NPFFR2: variants seen among roughly 807,000 people sequenced by gnomAD.
NPFFR2 encodes neuropeptide FF receptor 2.
NPFFR2 carries 15 observed loss-of-function variants against 13.1 expected under a neutral mutation model. That is an observed-to-expected ratio of 1.15 (90% CI 0.77 to 1.76). The LOEUF is 1.76. NPFFR2 is among the 40% of genes most tolerant of loss of function. The probability of loss-of-function intolerance (pLI) is 0.00; values close to 1 mark genes in which losing one functional copy is unlikely to be tolerated. For synonymous variants in NPFFR2, 190 were observed against 175.7 expected, an observed-to-expected ratio of 1.08 and a Z score of -0.65; for missense variants, 572 against 503.5, an observed-to-expected ratio of 1.14 and a Z score of -1.30.
chr4:72,063,585 G>T (rs1202295878), intron 1 of NPFFR2, among the ~76,000 whole-genome samples: 4 of 152,094 alleles, frequency 2.6e-5, no homozygotes, highest in African/African-American at 9.7e-5. Flanking sequence ...AGCAGGCAAG[G>T]TTTCAAAACA....
intron 1 of NPFFR2, among the ~76,000 whole-genome samples, chr4:72,084,317 T>C (rs1276085298): frequency 6.6e-6 from 1 of 152,158 alleles, no homozygotes; most frequent in East Asian, 1.9e-4. Flanking sequence ...GAAAACAGTA[T>C]GTTGTAGCTG....
In NPFFR2 at chr4:72,133,509, A is replaced by G. The variant is rs147208444; in HGVS notation, c.329-4531A>G. On this transcript the variant is annotated intron_variant, in intron 2 of 3. Coordinates refer to ENST00000308744, the MANE Select transcript of NPFFR2 (RefSeq NM_004885.3). ...TATTCAGGCTCTTTTTTGCTTCCAT[A>G]TGAATTTTAAAATAATTTTTCTAGT... Among the ~76,000 whole-genome samples, 10 of 152,228 alleles carry G rather than the reference A, an allele frequency of 6.6e-5. No homozygotes were observed. The East Asian group carries it at 1.9e-3, about 29-fold the overall frequency.
intron 1 of NPFFR2, among the ~76,000 whole-genome samples, chr4:72,080,218 G>A (rs1720570860): frequency 1.3e-5 from 2 of 151,490 alleles, no homozygotes; most frequent in South Asian, 2.1e-4. Context: ...AGGCCGGAGT[G>A]CAGTGGTGCA....
chr4:72,038,437 AAT>A (rs1719099840), intron 1 of NPFFR2, among the ~76,000 whole-genome samples: 1 of 152,130 alleles, frequency 6.6e-6, no homozygotes, highest in South Asian at 2.1e-4. Context: ...GTTCTGTGAA[AAT>A]TTTACTTCCA....
At chr4:72,139,761 G>C (rs184773440) in intron 3 of NPFFR2, among the ~76,000 whole-genome samples, 2,684 of 151,626 alleles carry the variant, frequency 0.018, 268 homozygotes, top group Admixed American at 0.16. Context: ...AGTTCCATAT[G>C]AACTTTAAAG....
chr4:72,067,857 G>A (rs1720120207), intron 1 of NPFFR2, among the ~76,000 whole-genome samples: 1 of 152,126 alleles, frequency 6.6e-6, no homozygotes, highest in Non-Finnish European at 1.5e-5. Context: ...TTCCATCTGA[G>A]ACTTCATTAG....
rs77011606 is a variant in NPFFR2 at position 72,080,026 on chromosome 4, T to C, written c.-8+47826T>C. Reference sequence around the variant, plus strand: ...AAATGCACACTCTAGCTCTTTGATATATAAATAATTCTCTCTAGGAACCAA... The same window carrying C: ...AAATGCACACTCTAGCTCTTTGATACATAAATAATTCTCTCTAGGAACCAA... On this transcript the variant is annotated intron_variant, in intron 1 of 3. Transcript: ENST00000308744. Among the ~76,000 whole-genome samples, 477 of 152,320 alleles carry C rather than the reference T, an allele frequency of 3.1e-3. 5 individuals carry two copies. Among genetic ancestry groups the C allele is most frequent in the African/African-American group, 0.011 (440 of 41,584 alleles).
intron 1 of NPFFR2, among the ~76,000 whole-genome samples, chr4:72,120,104 C>T: frequency 6.6e-6 from 1 of 152,134 alleles, no homozygotes; most frequent in East Asian, 1.9e-4. Context: ...GGAGGGACGT[C>T]CACCATTACT....
intron 1 of NPFFR2, among the ~76,000 whole-genome samples, chr4:72,044,376 A>G (rs1243327422): frequency 6.6e-6 from 1 of 152,192 alleles, no homozygotes; most frequent in African/African-American, 2.4e-5. Context: ...TACTTTTTGT[A>G]TATTGTGAGC....
chr4:72,141,449 G>T (rs1039498607), intron 3 of NPFFR2, among the ~76,000 whole-genome samples: 1 of 152,104 alleles, frequency 6.6e-6, no homozygotes, highest in African/African-American at 2.4e-5. Context: ...CAGAGATTCT[G>T]GTATGTTGTG....
chr4:72,138,996 A>C (rs1722511040), intron 3 of NPFFR2, among the ~76,000 whole-genome samples: 1 of 152,096 alleles, frequency 6.6e-6, no homozygotes, highest in Non-Finnish European at 1.5e-5. Flanking sequence ...TGTGATTTGC[A>C]TTTCTCTGAT....
chr4:72,142,080 AC>A (rs948738307), intron 3 of NPFFR2, among the ~76,000 whole-genome samples: 4 of 151,816 alleles, frequency 2.6e-5, no homozygotes, highest in African/African-American at 7.3e-5. Flanking sequence ...TAGGGTTGCA[AC>A]CCCTGCCTTT....
Position 72,092,130 on chromosome 4 carries a change from T to C in NPFFR2, c.-7-36455T>C, listed in dbSNP as rs1389172928. Reference sequence around the variant, plus strand: ...TCAGGAGCAGGTCATTTAATTTTCATGTATTTGCGTGGTTTTGTGGGTTCC... The same window carrying C: ...TCAGGAGCAGGTCATTTAATTTTCACGTATTTGCGTGGTTTTGTGGGTTCC... On this transcript the variant is annotated intron_variant, in intron 1 of 3. Transcript: ENST00000308744. 2.6e-5 allele frequency among the ~76,000 whole-genome samples: 4 copies of C among 152,220 alleles called. No homozygotes were observed. In the East Asian group the frequency reaches 7.7e-4, roughly 29 times the overall value.
chr4:72,113,265 C>T (rs1721616279), intron 1 of NPFFR2, among the ~76,000 whole-genome samples: 1 of 151,852 alleles, frequency 6.6e-6, no homozygotes, highest in African/African-American at 2.4e-5. Flanking sequence ...AATTTTTTTT[C>T]TTAGGATTGG....
intron 3 of NPFFR2, 21 bp downstream of exon 3, chr4:72,138,160 G>A (rs1209237613): frequency 3.7e-5 from 58 of 1,569,346 alleles, no homozygotes; most frequent in Non-Finnish European, 5.1e-5. Flanking sequence ...ACCAAACTCT[G>A]AATCCAGAAA....
chr4:72,105,328 A>G (rs1721387685), intron 1 of NPFFR2, among the ~76,000 whole-genome samples: 1 of 152,022 alleles, frequency 6.6e-6, no homozygotes, highest in Non-Finnish European at 1.5e-5. Context: ...GAAATAACCT[A>G]TTTTACTACA....
At chr4:72,077,715 C>T (rs1386642476) in intron 1 of NPFFR2, among the ~76,000 whole-genome samples, 1 of 152,082 alleles carries the variant, frequency 6.6e-6, no homozygotes, top group Admixed American at 6.6e-5. Flanking sequence ...TCTTTTAGCA[C>T]AGATTTGTCC....
At chr4:72,047,761 T>C (rs28546449) in intron 1 of NPFFR2, among the ~76,000 whole-genome samples, 178 of 152,282 alleles carry the variant, frequency 1.2e-3, no homozygotes, top group African/African-American at 4.0e-3. Context: ...ATGTTAATAA[T>C]AGTTGGGTCT....
At chr4:72,145,750 A>G (rs1173177883) in intron 3 of NPFFR2, among the ~76,000 whole-genome samples, 1 of 152,204 alleles carries the variant, frequency 6.6e-6, no homozygotes, top group Non-Finnish European at 1.5e-5. Flanking sequence ...TCAGCCACTT[A>G]AAGCTCTACA....
Sources: gnomAD v4.1 joint callset for allele counts (sites outside exome capture counted in the v4.1 genomes callset) on GRCh38, gnomAD v4.1.1 for gene constraint, MANE v1.5 for transcripts, NCBI Gene and HGNC (gene_info 2026-07-23, HGNC 2026-07-21) for gene names.